Variants in THEMIS observed in about 807,000 individuals in gnomAD.
THEMIS encodes the protein thymocyte selection associated.
In THEMIS, 37 loss-of-function variants were observed where a neutral mutation model predicts 52.6. The ratio of observed to expected loss-of-function variants is 0.70; its 90% CI spans 0.54 to 0.93. The LOEUF (loss-of-function observed/expected upper bound fraction) is 0.93, where lower values mean the gene tolerates loss of function less well. Among genes scored for constraint, THEMIS ranks in the 40% least tolerant of loss-of-function variants. The pLI, the probability that THEMIS is intolerant of heterozygous loss-of-function variation, is 0.00. For missense variants in THEMIS, 808 were observed against 763.1 expected, an observed-to-expected ratio of 1.06 and a Z score of -0.69; for synonymous variants, 292 against 272.7, an observed-to-expected ratio of 1.07 and a Z score of -0.70.
intron 1 of THEMIS, among the ~76,000 whole-genome samples, chr6:127,869,236 T>C (rs1357560293): frequency 6.6e-6 from 1 of 152,206 alleles, no homozygotes; most frequent in Non-Finnish European, 1.5e-5. Context: ...ATATCTTAAG[T>C]TGAAAATGCA....
intron 1 of THEMIS, among the ~76,000 whole-genome samples, chr6:127,910,720 CTTTAT>C (rs1420898364): frequency 6.6e-6 from 1 of 152,120 alleles, no homozygotes; most frequent in East Asian, 1.9e-4. Context: ...CACCTGTTTC[CTTTAT>C]TTTAACACTT....
intron 4 of THEMIS, among the ~76,000 whole-genome samples, chr6:127,796,085 GT>G (rs1228905733): frequency 6.6e-6 from 1 of 152,150 alleles, no homozygotes; most frequent in Non-Finnish European, 1.5e-5. Context: ...ATACATTATA[GT>G]GGATCTGATT....
Position 127,726,779 on chromosome 6 carries a change from A to T in THEMIS, c.1759-6956T>A, listed in dbSNP as rs533756147. Among the ~76,000 whole-genome samples the T allele has an allele frequency of 3.3e-5, 5 of 152,288 alleles. No individual in the cohort carries two copies. In the South Asian group the frequency reaches 1.0e-3, roughly 32 times the overall value. On this transcript the variant is annotated intron_variant, in intron 4 of 5. Transcript: ENST00000368248. ...ATGAGTTGAAGAATTTTCATCTACAATACTTAGGTGGAGAACCTCTTCACA... is the reference window on the plus strand; with the variant it reads ...ATGAGTTGAAGAATTTTCATCTACATTACTTAGGTGGAGAACCTCTTCACA...
At chr6:127,854,840 CT>C (rs778933027) in intron 2 of THEMIS, among the ~76,000 whole-genome samples, 189 bp downstream of exon 2, 4 of 151,770 alleles carry the variant, frequency 2.6e-5, no homozygotes, top group Non-Finnish European at 5.9e-5. Context: ...ACATCTTTCA[CT>C]TTAAAAAAGG....
chr6:127,871,290 TACATAC>T (rs1023027055), intron 1 of THEMIS, among the ~76,000 whole-genome samples: 7 of 152,090 alleles, frequency 4.6e-5, no homozygotes, highest in African/African-American at 7.2e-5. Context: ...TATACCTATA[TACATAC>T]ACATACACAT....
chr6:127,747,374 T>C (rs993792942), intron 4 of THEMIS, among the ~76,000 whole-genome samples: 1 of 145,310 alleles, frequency 6.9e-6, no homozygotes, highest in African/African-American at 2.5e-5. Flanking sequence ...TAATATTATA[T>C]TATATATTAT....
chr6:127,872,372 G>A (rs1182492006), intron 1 of THEMIS, among the ~76,000 whole-genome samples: 1 of 152,068 alleles, frequency 6.6e-6, no homozygotes, highest in Non-Finnish European at 1.5e-5. Context: ...AGGAGTTTGA[G>A]ACCAGCCTGG....
At chr6:127,884,086 A>T (rs1037772231) in intron 1 of THEMIS, among the ~76,000 whole-genome samples, 2 of 152,082 alleles carry the variant, frequency 1.3e-5, no homozygotes, top group African/African-American at 2.4e-5. Flanking sequence ...CATTCTCTCA[A>T]TCTGGTGCTC....
chr6:127,795,333 T>C (rs1777290917), intron 4 of THEMIS, among the ~76,000 whole-genome samples: 1 of 152,156 alleles, frequency 6.6e-6, no homozygotes, highest in Non-Finnish European at 1.5e-5. Context: ...GTATTATTAT[T>C]ATTATTATTT....
At chr6:127,885,347 C>T (rs1246297671) in intron 1 of THEMIS, among the ~76,000 whole-genome samples, 1 of 152,052 alleles carries the variant, frequency 6.6e-6, no homozygotes, top group Non-Finnish European at 1.5e-5. Flanking sequence ...CAAGTCCTAG[C>T]AAAATTATTA....
intron 1 of THEMIS, among the ~76,000 whole-genome samples, chr6:127,907,879 T>G (rs1199824433): frequency 6.6e-6 from 1 of 151,964 alleles, no homozygotes; most frequent in Non-Finnish European, 1.5e-5. Context: ...CTTGCTCTGT[T>G]GCAGCACCCA....
chr6:127,902,239 C>T (rs997312242), upstream of THEMIS, among the ~76,000 whole-genome samples: 1 of 148,250 alleles, frequency 6.7e-6, no homozygotes, highest in Non-Finnish European at 1.5e-5. Context: ...GAAGGAGGAT[C>T]ACTTGAGCCC....
intron 4 of THEMIS, among the ~76,000 whole-genome samples, chr6:127,725,353 T>C (rs1018219263): frequency 1.3e-5 from 2 of 152,000 alleles, no homozygotes; most frequent in African/African-American, 4.8e-5. Flanking sequence ...AAAAATCGAA[T>C]CACATCAAAT....
Position 127,839,670 on chromosome 6 carries a change from T to C in THEMIS, c.251-9736A>G, listed in dbSNP as rs545708065. Among the ~76,000 whole-genome samples, 33 of 152,226 alleles carry C rather than the reference T, an allele frequency of 2.2e-4. No individual in the cohort carries two copies. The South Asian group carries it at 5.0e-3, about 23-fold the overall frequency. On this transcript the variant is annotated intron_variant, in intron 2 of 5. Transcript: ENST00000368248. ...GGCATGAGCCACTATGCCCAGCCAA[T>C]TAACAACTCATTTCTAAAAGTCTTT... is the stretch of plus-strand genomic sequence containing the variant.
chr6:127,910,807 A>G (rs2114529806), intron 1 of THEMIS, among the ~76,000 whole-genome samples: 1 of 152,254 alleles, frequency 6.6e-6, no homozygotes, highest in East Asian at 1.9e-4. Context: ...GCTAAACTTC[A>G]TACTTCACTA....
At chr6:127,895,818 AAAAT>A (rs1250452864) in intron 1 of THEMIS, among the ~76,000 whole-genome samples, 2 of 151,474 alleles carry the variant, frequency 1.3e-5, no homozygotes, top group Non-Finnish European at 3.0e-5. Flanking sequence ...AAAGTTACAT[AAAAT>A]CTTTAGGAAA....
At chr6:127,816,010 A>C (rs1397907830) in intron 3 of THEMIS, among the ~76,000 whole-genome samples, 2 of 152,218 alleles carry the variant, frequency 1.3e-5, no homozygotes. Flanking sequence ...CGAACTCTTA[A>C]ATTTTTTGTA....
chr6:127,730,956 A>T (rs1774772720), intron 4 of THEMIS, among the ~76,000 whole-genome samples: 1 of 152,204 alleles, frequency 6.6e-6, no homozygotes, highest in African/African-American at 2.4e-5. Context: ...TTCTTTCATG[A>T]GATGATTAGC....
rs532748947 is a variant in THEMIS, at chr6:127,867,937, C to T, written c.92-12749G>A. On this transcript the variant is annotated intron_variant, in intron 1 of 5. Coordinates refer to ENST00000368248, the MANE Select transcript of THEMIS (RefSeq NM_001010923.3). ...AATTACTATTAAACACACACACACACACACACAATTTTCTTTCTTCATTCA... is the reference window on the plus strand; with the variant it reads ...AATTACTATTAAACACACACACACATACACACAATTTTCTTTCTTCATTCA... Among the ~76,000 whole-genome samples the T allele has an allele frequency of 2.3e-3, 350 of 152,188 alleles. 1 individual carries two copies. The highest frequency in any genetic ancestry group is 3.3e-3 in the Non-Finnish European group (222 of 67,994).
Sources: allele counts gnomAD v4.1 joint callset (sites outside exome capture counted in the v4.1 genomes callset), GRCh38; gene constraint gnomAD v4.1.1; transcripts MANE v1.5; gene names NCBI Gene and HGNC (gene_info 2026-07-23, HGNC 2026-07-21).